Variants in WDR64 observed in about 807,000 individuals in gnomAD.
The protein encoded by WDR64 is WD repeat domain 64.
WDR64 carries 112 observed loss-of-function variants against 139.3 expected under a neutral mutation model. The ratio of observed to expected loss-of-function variants is 0.80; its 90% CI spans 0.69 to 0.94. The LOEUF is 0.94. WDR64 is among the 40% of genes least tolerant of loss of function. The pLI, the probability that WDR64 is intolerant of heterozygous loss-of-function variation, is 0.00. For synonymous variants in WDR64, 444 were observed against 437.7 expected, an observed-to-expected ratio of 1.01 and a Z score of -0.18; for missense variants, 1,206 against 1,293.1, an observed-to-expected ratio of 0.93 and a Z score of 1.03.
chr1:241,733,423 C>T (rs964110640), intron 10 of WDR64, among the ~76,000 whole-genome samples: 2 of 151,376 alleles, frequency 1.3e-5, no homozygotes, highest in East Asian at 1.9e-4. Context: ...TGCAGTGAGC[C>T]GAGATCATGC....
chr1:241,670,309 TC>T (rs954393301), intron 2 of WDR64, among the ~76,000 whole-genome samples: 1 of 151,886 alleles, frequency 6.6e-6, no homozygotes, highest in African/African-American at 2.4e-5. Context: ...ACTCTTAAGT[TC>T]CCACCAACAG....
chr1:241,787,424 G>T (rs964911372), intron 23 of WDR64, among the ~76,000 whole-genome samples: 7 of 151,630 alleles, frequency 4.6e-5, no homozygotes, highest in Admixed American at 4.6e-4. Context: ...CAGCAGTTTG[G>T]GAGGCCAAGG....
chr1:241,716,625 C>T (rs1004324173), intron 9 of WDR64, among the ~76,000 whole-genome samples: 9 of 151,536 alleles, frequency 5.9e-5, no homozygotes, highest in Non-Finnish European at 1.3e-4. Context: ...TTATAGGTAA[C>T]TACAAAGTAT....
chr1:241,761,050 A>G (rs1461741469), intron 15 of WDR64, among the ~76,000 whole-genome samples: 1 of 152,162 alleles, frequency 6.6e-6, no homozygotes, highest in Non-Finnish European at 1.5e-5. Context: ...CCTTCACAGA[A>G]GTTACACAGC....
rs58720618 is a variant in WDR64 at position 241,784,953 on chromosome 1, G to GAAAAAAAAAAAAAAA, written c.2705+1581_2705+1595dup. Among the ~76,000 whole-genome samples, 127 of 62,216 alleles carry GAAAAAAAAAAAAAAA rather than the reference G, an allele frequency of 2.0e-3. 6 individuals carry two copies. Among genetic ancestry groups the GAAAAAAAAAAAAAAA allele is most frequent in the Middle Eastern group, 0.013 (1 of 76 alleles). 40.8% of individuals were successfully genotyped at this position (62,216 alleles called of 152,430 possible). ...TGGGCGACAGAGTGAGACTCTGTCTGAAAAAAAAAAAAAAAAAAAAAAAGA... is the reference window on the plus strand; with the variant it reads ...TGGGCGACAGAGTGAGACTCTGTCTGAAAAAAAAAAAAAAAAAAAAAAAAAAAAAAAAAAAAAAGA... On this transcript the variant is annotated intron_variant, in intron 23 of 27. Coordinates refer to ENST00000437684, the MANE Select transcript of WDR64 (RefSeq NM_001367482.1).
intron 9 of WDR64, among the ~76,000 whole-genome samples, chr1:241,716,288 A>AAAAAG (rs1307607412): frequency 1.7e-4 from 1 of 5,900 alleles, no homozygotes; most frequent in Non-Finnish European, 5.2e-4. Flanking sequence ...CTTTTGCAGG[A>AAAAAG]AAAAAAAAAA....
intron 8 of WDR64, among the ~76,000 whole-genome samples, chr1:241,688,225 A>G (rs1324148764): frequency 6.6e-6 from 1 of 152,222 alleles, no homozygotes; most frequent in African/African-American, 2.4e-5. Flanking sequence ...TATCAAAAAA[A>G]GGGCACATTT....
intron 8 of WDR64, among the ~76,000 whole-genome samples, chr1:241,700,332 G>A (rs77402364): frequency 2.2e-4 from 33 of 151,682 alleles, no homozygotes; most frequent in African/African-American, 6.3e-4. Flanking sequence ...AAGCCCAAGC[G>A]CTCACCATTT....
At chr1:241,768,528 G>T (rs570097142) in intron 16 of WDR64, among the ~76,000 whole-genome samples, 2 of 152,254 alleles carry the variant, frequency 1.3e-5, no homozygotes, top group African/African-American at 4.8e-5. Context: ...TCCACTTCAT[G>T]ATTCAGCTCA....
At chr1:241,726,593 G>A (rs1668850307) in intron 10 of WDR64, among the ~76,000 whole-genome samples, 1 of 152,038 alleles carries the variant, frequency 6.6e-6, no homozygotes. Flanking sequence ...CTTTGATTAA[G>A]TAAATTATGC....
chr1:241,734,131 G>A (rs1264916925), intron 10 of WDR64, among the ~76,000 whole-genome samples: 3 of 152,094 alleles, frequency 2.0e-5, no homozygotes, highest in African/African-American at 7.2e-5. Context: ...CCCAGGAAAG[G>A]CTCATCAGAA....
Position 241,725,598 on chromosome 1 carries a change from C to T in WDR64, c.1194+2162C>T, listed in dbSNP as rs575297926. On this transcript the variant is annotated intron_variant, in intron 10 of 27. Transcript: ENST00000437684. ...ACCACAAGGGAAAGACTCTAAGGAC[C>T]TTTGAGGGGTTCCTCCCAGGCTAGA... Among the ~76,000 whole-genome samples the T allele has an allele frequency of 5.7e-3, 861 of 152,200 alleles. 8 individuals are homozygous for T. Among genetic ancestry groups the T allele is most frequent in the Non-Finnish European group, 9.0e-3 (611 of 68,006 alleles).
chr1:241,714,251 T>C (rs1332496509), intron 9 of WDR64, among the ~76,000 whole-genome samples: 2 of 152,134 alleles, frequency 1.3e-5, no homozygotes, highest in Non-Finnish European at 1.5e-5. Context: ...GTGGCCTACA[T>C]TGCAAACCCA....
chr1:241,745,456 AATT>A (rs1420066059), intron 13 of WDR64, among the ~76,000 whole-genome samples: 14 of 151,030 alleles, frequency 9.3e-5, no homozygotes, highest in Admixed American at 3.3e-4. Context: ...CAATGTACAC[AATT>A]ATTATCAGGC....
intron 24 of WDR64, among the ~76,000 whole-genome samples, chr1:241,790,337 C>T (rs7528429): frequency 0.46 from 69,377 of 151,824 alleles, 16,411 homozygotes; most frequent in Middle Eastern, 0.66. Context: ...GGTGACAGAG[C>T]GAGACCCTGT....
chr1:241,680,853 C>G (rs1666761333), intron 6 of WDR64, among the ~76,000 whole-genome samples: 1 of 152,146 alleles, frequency 6.6e-6, no homozygotes, highest in Non-Finnish European at 1.5e-5. Context: ...AAGTCATCCA[C>G]AATTTCAGTA....
At chr1:241,771,800 T>C (rs1446208254) in intron 19 of WDR64, 103 bp downstream of exon 19, 2 of 564,068 alleles carry the variant, frequency 3.5e-6, no homozygotes, top group Non-Finnish European at 5.3e-6. Context: ...TTCCTTAATA[T>C]ATAAATTCAT....
At chr1:241,667,224 T>C (rs1666054871) in intron 2 of WDR64, among the ~76,000 whole-genome samples, 1 of 152,216 alleles carries the variant, frequency 6.6e-6, no homozygotes, top group Admixed American at 6.5e-5. Flanking sequence ...ACCATTATCA[T>C]TACACATTCT....
intron 10 of WDR64, among the ~76,000 whole-genome samples, chr1:241,736,624 G>A (rs968321175): frequency 6.6e-6 from 1 of 152,090 alleles, no homozygotes; most frequent in Non-Finnish European, 1.5e-5. Context: ...GCAGTATGAC[G>A]CAGAAGGTTT....
Sources: allele counts gnomAD v4.1 joint callset (sites outside exome capture counted in the v4.1 genomes callset), GRCh38; gene constraint gnomAD v4.1.1; transcripts MANE v1.5; gene names NCBI Gene and HGNC (gene_info 2026-07-23, HGNC 2026-07-21).